Variants in RNF138 observed in about 807,000 individuals in gnomAD.
RNF138 encodes ring finger protein 138.
RNF138 carries 12 observed loss-of-function variants against 31.0 expected under a neutral mutation model. The observed-to-expected ratio is 0.39, with a 90% confidence interval of 0.25 to 0.63. RNF138 has a LOEUF of 0.63. Among genes scored for constraint, RNF138 ranks in the 20% least tolerant of loss-of-function variants. The pLI, the probability that RNF138 is intolerant of heterozygous loss-of-function variation, is 0.52. For missense variants in RNF138, 192 were observed against 300.1 expected, an observed-to-expected ratio of 0.64 and a Z score of 2.66; for synonymous variants, 105 against 99.5, an observed-to-expected ratio of 1.06 and a Z score of -0.33.
At chr18:32,099,353 G>T (rs2039876030) in intron 2 of RNF138, among the ~76,000 whole-genome samples, 1 of 151,882 alleles carries the variant, frequency 6.6e-6, no homozygotes, top group Admixed American at 6.6e-5. Flanking sequence ...AACATGCTTG[G>T]TTGTACAGAG....
intron 2 of RNF138, among the ~76,000 whole-genome samples, chr18:32,110,016 T>C (rs1324371492): frequency 6.6e-6 from 1 of 152,226 alleles, no homozygotes; most frequent in African/African-American, 2.4e-5. Flanking sequence ...AGAGACAGTA[T>C]TGCTCTGTCA....
intron 4 of RNF138, among the ~76,000 whole-genome samples, chr18:32,121,133 C>CA (rs200622689): frequency 0.016 from 1,222 of 76,328 alleles, 18 homozygotes; most frequent in African/African-American, 0.054. Context: ...GAGACTGTCT[C>CA]AAAAAAAAAC....
chr18:32,093,167 G>T (rs368833655), intron 2 of RNF138, among the ~76,000 whole-genome samples: 4 of 150,854 alleles, frequency 2.7e-5, no homozygotes, highest in Non-Finnish European at 4.4e-5. Flanking sequence ...TCGCGCCCCC[G>T]GGGCAGTGGC....
At chr18:32,101,863 T>C (rs2039946192) in intron 2 of RNF138, among the ~76,000 whole-genome samples, 2 of 152,120 alleles carry the variant, frequency 1.3e-5, no homozygotes, top group Admixed American at 6.6e-5. Flanking sequence ...CAAGGCTGCA[T>C]GCATTTTTCC....
At chr18:32,115,947 T>C (rs2040210078) in intron 4 of RNF138, among the ~76,000 whole-genome samples, 1 of 152,212 alleles carries the variant, frequency 6.6e-6, no homozygotes, top group African/African-American at 2.4e-5. Context: ...GTTAAAAATG[T>C]GGGCTTGGAG....
intron 2 of RNF138, among the ~76,000 whole-genome samples, chr18:32,098,819 C>T (rs963787880): frequency 1.3e-5 from 2 of 148,902 alleles, no homozygotes; most frequent in South Asian, 4.2e-4. Flanking sequence ...TGCCACTGCA[C>T]TCCAGCCCGG....
In RNF138 at chr18:32,124,788, C is replaced by T. The variant is rs773256101; in HGVS notation, c.504C>T (p.Thr168=). The T allele has an allele frequency of 6.2e-7, 1 of 1,606,838 alleles. No homozygotes were observed. Among genetic ancestry groups the T allele is most frequent in the Non-Finnish European group, 8.5e-7 (1 of 1,173,628 alleles). Residue 168 remains threonine, a synonymous_variant, in exon 6 of 8, where the codon ACC becomes ACT. Coordinates refer to ENST00000261593, the MANE Select transcript of RNF138 (RefSeq NM_016271.5). Reference sequence around the variant, plus strand: ...CCCTGTGTCAAGAATCAAATTTTACCAGACAGCGTTTACTGGATCACTGTA... The same window carrying T: ...CCCTGTGTCAAGAATCAAATTTTACTAGACAGCGTTTACTGGATCACTGTA... ...KCPLCQESNF[T]RQRLLDHCNS...
chr18:32,125,947 TTTAC>T (rs528938342), intron 6 of RNF138, among the ~76,000 whole-genome samples: 129 of 152,332 alleles, frequency 8.5e-4, no homozygotes, highest in African/African-American at 3.1e-3. Context: ...TATTTAAGAT[TTTAC>T]TTAGTTTTAT....
intron 3 of RNF138, among the ~76,000 whole-genome samples, chr18:32,112,226 T>C (rs547090183): frequency 6.6e-6 from 1 of 152,326 alleles, no homozygotes; most frequent in East Asian, 1.9e-4. Flanking sequence ...ATTTAGCTCA[T>C]TTAAACCCCA....
At chr18:32,120,906 G>A (rs969189560) in intron 4 of RNF138, among the ~76,000 whole-genome samples, 3 of 152,130 alleles carry the variant, frequency 2.0e-5, no homozygotes, top group Non-Finnish European at 2.9e-5. Flanking sequence ...TACTTTGGGA[G>A]GCCATGGTGG....
intron 6 of RNF138, among the ~76,000 whole-genome samples, chr18:32,125,407 GA>G (rs1317533995): frequency 1.3e-5 from 2 of 152,194 alleles, no homozygotes; most frequent in Non-Finnish European, 2.9e-5. Context: ...AGATAGAGCA[GA>G]ATTCAGGATT....
In RNF138 at chr18:32,114,639, C is replaced by G. The variant is rs545245304; in HGVS notation, c.392+779C>G. Among the ~76,000 whole-genome samples, 25 of 152,248 alleles carry G rather than the reference C, an allele frequency of 1.6e-4. No homozygotes were observed. In the South Asian group the frequency reaches 4.6e-3, roughly 28 times the overall value. On this transcript the variant is annotated intron_variant, in intron 4 of 7. Coordinates refer to ENST00000261593, the MANE Select transcript of RNF138 (RefSeq NM_016271.5). ...CATCACCCATGCATGTATCCCTAAA[C>G]AATGCATTGTTAATTTTGAAAACTT...
rs927403921 is a variant in RNF138 at position 32,092,856 on chromosome 18, C to G, written c.80C>G (p.Thr27Arg). ...YCPVCQEVLK[T>R]PVRTTACQHV... The stretch of plus-strand genomic sequence containing the variant: ...CCCGTCTGTCAGGAGGTGCTCAAAA[C>G]GCCCGTGCGGACCACGGCCTGTCAG... Residue 27 changes from threonine to arginine, a missense_variant, in exon 2 of 8, where the codon ACG becomes AGG. Transcript: ENST00000261593. 8.2e-6 allele frequency: 13 copies of G among 1,589,924 alleles called. No homozygotes were observed. The highest frequency in any genetic ancestry group is 1.1e-5 in the Non-Finnish European group (13 of 1,171,220).
At chr18:32,116,816 C>T (rs1193017501) in intron 4 of RNF138, among the ~76,000 whole-genome samples, 1 of 152,188 alleles carries the variant, frequency 6.6e-6, no homozygotes, top group Non-Finnish European at 1.5e-5. Context: ...AACTCCTGAC[C>T]TCCGGTGATC....
At chr18:32,109,917 G>T (rs1459753346) in intron 2 of RNF138, among the ~76,000 whole-genome samples, 1 of 152,102 alleles carries the variant, frequency 6.6e-6, no homozygotes, top group Non-Finnish European at 1.5e-5. Context: ...CTAGTTTTTA[G>T]TTTGGCAAGT....
chr18:32,109,265 C>A (rs527989615), intron 2 of RNF138, among the ~76,000 whole-genome samples: 1 of 151,662 alleles, frequency 6.6e-6, no homozygotes, highest in Non-Finnish European at 1.5e-5. Context: ...GTGATCCTCT[C>A]ACCTCAGCCT....
rs777185087 is a variant in RNF138 at position 32,113,885 on chromosome 18, C to T, written c.392+25C>T. ...GGTAAGCAATACTTATTCCTAAATA[C>T]AGAATTTTCATAATTGAAATGGAAA... On this transcript the variant is annotated intron_variant, in intron 4 of 7. Transcript: ENST00000261593. The T allele has an allele frequency of 3.6e-6, 4 of 1,096,566 alleles. No homozygotes were observed. In the East Asian group the frequency reaches 1.0e-4, roughly 28 times the overall value. The allele number at this position is 1,096,566 out of a possible 1,614,324, so 67.9% of individuals were successfully genotyped here.
At chr18:32,115,055 T>C (rs2040193067) in intron 4 of RNF138, among the ~76,000 whole-genome samples, 1 of 152,202 alleles carries the variant, frequency 6.6e-6, no homozygotes, top group Admixed American at 6.5e-5. Flanking sequence ...TCTATGTTTT[T>C]CTTATTGTTG....
intron 2 of RNF138, among the ~76,000 whole-genome samples, chr18:32,097,247 GCTA>G (rs899001667): frequency 1.3e-5 from 2 of 152,146 alleles, no homozygotes; most frequent in African/African-American, 4.8e-5. Context: ...GCAGAAGTAA[GCTA>G]CTATTGCAAT....
Sources: allele counts gnomAD v4.1 joint callset (sites outside exome capture counted in the v4.1 genomes callset), GRCh38; gene constraint gnomAD v4.1.1; transcripts MANE v1.5; gene names NCBI Gene and HGNC (gene_info 2026-07-23, HGNC 2026-07-21).